MYCBP2: variants seen among roughly 807,000 people sequenced by gnomAD.
The protein encoded by MYCBP2 is E3 ubiquitin-protein ligase MYCBP2.
MYCBP2 carries 120 observed loss-of-function variants against 525.3 expected under a neutral mutation model. The observed-to-expected ratio is 0.23, with a 90% confidence interval of 0.20 to 0.27. The LOEUF is 0.27. MYCBP2 is among the 10% of genes least tolerant of loss of function. MYCBP2 has a pLI of 1.00. For missense variants in MYCBP2, 4,149 were observed against 5,657.1 expected (o/e 0.73, Z 8.55); for synonymous variants, 1,894 against 1,955.8 (o/e 0.97, Z 0.83).
At chr13:77,284,564 T>G (rs1030215497) in intron 3 of MYCBP2, among the ~76,000 whole-genome samples, 2 of 152,198 alleles carry the variant, frequency 1.3e-5, no homozygotes, top group African/African-American at 4.8e-5. Context: ...TAGAGGCATC[T>G]CATCACTTCT....
At chr13:77,175,054 C>T (rs2059564147) in intron 36 of MYCBP2, among the ~76,000 whole-genome samples, 1 of 145,224 alleles carries the variant, frequency 6.9e-6, no homozygotes, top group African/African-American at 2.6e-5. Flanking sequence ...TTCCTGGGCT[C>T]AAGCAATCCT....
intron 26 of MYCBP2, among the ~76,000 whole-genome samples, chr13:77,201,388 T>A (rs2062528561): frequency 1.3e-5 from 2 of 151,258 alleles, no homozygotes; most frequent in South Asian, 4.2e-4. Context: ...CCCAGATTCA[T>A]AAAGCAAGTC....
rs192184659 is a variant in MYCBP2, at chr13:77,141,223, A to T, written c.7304-280T>A. Among the ~76,000 whole-genome samples the T allele has an allele frequency of 3.2e-4, 48 of 152,048 alleles. 1 individual carries two copies. Among genetic ancestry groups the T allele is most frequent in the African/African-American group, 1.0e-3 (43 of 41,478 alleles). On this transcript the variant is annotated intron_variant, in intron 49 of 82. Transcript: ENST00000544440. ...TGATACAGAAAAAATGGAAAATAATAAAAAAAAGAACCCTTGAGAATTAAA... is the reference window on the plus strand; with the variant it reads ...TGATACAGAAAAAATGGAAAATAATTAAAAAAAGAACCCTTGAGAATTAAA...
rs1478434534 is a variant in MYCBP2, at chr13:77,126,878, T to C, written c.7660-336A>G. Among the ~76,000 whole-genome samples the C allele has an allele frequency of 2.0e-5, 3 of 152,092 alleles. No individual in the cohort carries two copies. The East Asian group carries it at 5.8e-4, about 29-fold the overall frequency. On this transcript the variant is annotated intron_variant, in intron 52 of 82. Coordinates refer to ENST00000544440, the MANE Select transcript of MYCBP2 (RefSeq NM_015057.5). ...AGTTGGAAAAATAAAAATACTATAC[T>C]ATGTGAACCACAAGGGAATAATTTT... is the stretch of plus-strand genomic sequence containing the variant.
At chr13:77,172,871 G>A (rs867262786) in intron 37 of MYCBP2, among the ~76,000 whole-genome samples, 2 of 152,216 alleles carry the variant, frequency 1.3e-5, no homozygotes, top group Non-Finnish European at 2.9e-5. Context: ...CCTACAAGTC[G>A]CAGTAGCGTA....
chr13:77,256,735 G>C (rs1373590867), intron 14 of MYCBP2, among the ~76,000 whole-genome samples: 1 of 152,036 alleles, frequency 6.6e-6, no homozygotes, highest in Non-Finnish European at 1.5e-5. Flanking sequence ...AATAACAAAT[G>C]TTGGAGAGGA....
chr13:77,162,124 A>AAG (rs1356350653), intron 43 of MYCBP2, among the ~76,000 whole-genome samples, 169 bp from the exon 44 acceptor site: 1 of 152,224 alleles, frequency 6.6e-6, no homozygotes, highest in African/African-American at 2.4e-5. Context: ...TTTAATATAT[A>AAG]AGATACTTCC....
chr13:77,129,038 G>C (rs1208396978), intron 52 of MYCBP2: 1 of 390,176 alleles, frequency 2.6e-6, no homozygotes, highest in Non-Finnish European at 4.5e-6. Flanking sequence ...ACTTCATATA[G>C]ATCTTTTTTT....
intron 4 of MYCBP2, among the ~76,000 whole-genome samples, chr13:77,278,402 A>G (rs553574511): frequency 1.3e-5 from 2 of 152,358 alleles, no homozygotes; most frequent in Admixed American, 6.5e-5. Flanking sequence ...CTCTTAAACC[A>G]TAACTTCAGT....
At position 77,180,161 on chromosome 13, in the gene MYCBP2, A is replaced by C; in HGVS notation, c.5099T>G (p.Val1700Gly). The change falls in exon 34 of 83, where the codon GTC (valine) becomes GGC (glycine). Residue 1700 changes from valine (V) to glycine (G), a missense_variant. By Grantham distance (109) the Val-to-Gly change is moderately radical (BLOSUM62 -3). This residue lies in a region of MYCBP2 where 54 missense variants were observed against 117.0 expected (regional missense o/e 0.46). Transcript: ENST00000544440. ...SNTCGLLASI[V>G]SELTASALGS... ...CAGGGCTGACGCTGTCAGTTCACTG[A>C]CAATGCTGGCCAGTAATCCACAGGT... 1 of 1,614,062 alleles carries C rather than the reference A, an allele frequency of 6.2e-7. No individual in the cohort carries two copies. The highest frequency in any genetic ancestry group is 1.1e-5 in the South Asian group (1 of 91,060).
In MYCBP2 at chr13:77,180,195, C is replaced by T. The variant is rs61749892; in HGVS notation, c.5065G>A (p.Val1689Ile). Residue 1689 changes from valine (V) to isoleucine (I), a missense_variant, in exon 34 of 83, where the codon GTC becomes ATC. Physicochemically the swap from Val to Ile is conservative, Grantham distance 29. This residue lies in a region of MYCBP2 where 54 missense variants were observed against 117.0 expected (regional missense o/e 0.46). Coordinates refer to ENST00000544440, the MANE Select transcript of MYCBP2 (RefSeq NM_015057.5). ...GCCAGTAATCCACAGGTGTTAGAGA[C>T]GAGGTGGGAGGAGAAGAGTTCATTT... ...RENELFSSHL[V>I]SNTCGLLASI... is the part of the protein sequence containing the mutation. The T allele has an allele frequency of 3.5e-3, 5,635 of 1,614,104 alleles. 20 individuals are homozygous for T. Among genetic ancestry groups the T allele is most frequent in the Non-Finnish European group, 4.2e-3 (4,963 of 1,179,978 alleles).
At chr13:77,273,760 C>T (rs549444319) in intron 4 of MYCBP2, 92 bp from the exon 5 acceptor site, 72 of 1,028,556 alleles carry the variant, frequency 7.0e-5, no homozygotes, top group East Asian at 5.8e-4. Flanking sequence ...TCATTATAAA[C>T]GAAATTTAAG....
At chr13:77,322,289 A>G (rs2081758073) in intron 1 of MYCBP2, among the ~76,000 whole-genome samples, 1 of 152,234 alleles carries the variant, frequency 6.6e-6, no homozygotes. Flanking sequence ...AAGGGGGTTA[A>G]GTTTAGATTC....
intron 38 of MYCBP2, 74 bp downstream of exon 38, chr13:77,171,418 C>T (rs1381368838): frequency 1.4e-6 from 2 of 1,447,490 alleles, no homozygotes; most frequent in African/African-American, 2.9e-5. Flanking sequence ...GAAGGCTCCT[C>T]TTCAATAATT....
In MYCBP2 at chr13:77,139,256, A is replaced by G; in HGVS notation, c.7599T>C (p.Thr2533=). 2 of 1,614,016 alleles carry G rather than the reference A, an allele frequency of 1.2e-6. No homozygotes were observed. The highest frequency in any genetic ancestry group is 1.7e-6 in the Non-Finnish European group (2 of 1,179,878). Residue 2533 remains threonine, a synonymous_variant, in exon 52 of 83, where the codon ACT becomes ACC. Coordinates refer to ENST00000544440, the MANE Select transcript of MYCBP2 (RefSeq NM_015057.5). ...GATTAAAAGAGAGGCACCAGGCTTC[A>G]GTGTAACCATTCATGTTAGGGACAT... ...KKYVPNMNGY[T]EAWCLSFNQH...
At chr13:77,232,682 A>C (rs975601321) in intron 18 of MYCBP2, among the ~76,000 whole-genome samples, 1 of 152,128 alleles carries the variant, frequency 6.6e-6, no homozygotes, top group Admixed American at 6.6e-5. Context: ...TTTGTTGTTT[A>C]TATAAACTTA....
Position 77,200,207 on chromosome 13 carries a change from G to A in MYCBP2, c.3843+5049C>T, listed in dbSNP as rs570882449. Among the ~76,000 whole-genome samples, 214 of 152,256 alleles carry A rather than the reference G, an allele frequency of 1.4e-3. 1 individual carries two copies. The highest frequency in any genetic ancestry group is 4.9e-3 in the African/African-American group (204 of 41,546). On this transcript the variant is annotated intron_variant, in intron 26 of 82. Transcript: ENST00000544440. ...CAGAGAAGTGCTTAAAGGAGCTGAT[G>A]GAGATGAAAACCAAGGCTCGAGAAC...
chr13:77,086,424 C>T (rs1397799998), intron 62 of MYCBP2, among the ~76,000 whole-genome samples: 1 of 152,072 alleles, frequency 6.6e-6, no homozygotes, highest in Non-Finnish European at 1.5e-5. Context: ...AATTTGTCCA[C>T]CATGATTTGT....
intron 79 of MYCBP2, among the ~76,000 whole-genome samples, chr13:77,056,310 A>G (rs2038037631): frequency 6.6e-6 from 1 of 152,180 alleles, no homozygotes; most frequent in African/African-American, 2.4e-5. Flanking sequence ...TCCTCAGTCT[A>G]TCTAGACAAT....
Sources: gnomAD v4.1 joint callset for allele counts (sites outside exome capture counted in the v4.1 genomes callset) on GRCh38, gnomAD v4.1.1 for gene constraint, gnomAD v4.1.1 regional missense constraint, MANE v1.5 for transcripts, NCBI Gene and HGNC (gene_info 2026-07-23, HGNC 2026-07-21) for gene names.